The following CYTH3 variants were observed in gnomAD, a reference collection of about 807,000 sequenced individuals.
CYTH3 encodes cytohesin 3.
In CYTH3, 23 loss-of-function variants were observed where a neutral mutation model predicts 55.1. The ratio of observed to expected loss-of-function variants is 0.42; its 90% CI spans 0.30 to 0.59. The LOEUF is 0.59. Ranked by LOEUF, CYTH3 falls within the 20% of genes least tolerant of loss-of-function variation. The pLI is 0.20. For synonymous variants in CYTH3, 249 were observed against 194.9 expected, an observed-to-expected ratio of 1.28 and a Z score of -2.31; for missense variants, 413 against 524.8, an observed-to-expected ratio of 0.79 and a Z score of 2.08.
intron 4 of CYTH3, among the ~76,000 whole-genome samples, chr7:6,178,493 C>T (rs1194931578): frequency 2.0e-5 from 3 of 152,172 alleles, no homozygotes; most frequent in Admixed American, 2.0e-4. Context: ...TTTTTGATTT[C>T]CTGGTAAAAA....
intron 1 of CYTH3, among the ~76,000 whole-genome samples, chr7:6,262,501 A>C (rs1780377252): frequency 6.6e-6 from 1 of 152,196 alleles, no homozygotes. Context: ...GAAAAGAGTG[A>C]CAATAAGACT....
In CYTH3 at chr7:6,165,623, G is replaced by A; in HGVS notation, c.901-7C>T. 1.2e-6 allele frequency: 2 copies of A among 1,613,952 alleles called. No homozygotes were observed. The highest frequency in any genetic ancestry group is 1.7e-6 in the Non-Finnish European group (2 of 1,179,900). On this transcript the variant is annotated splice_polypyrimidine_tract_variant and splice_region_variant and intron_variant, in intron 10 of 12. Transcript: ENST00000350796. Reference sequence around the variant, plus strand: ...TTCCCCTGGGCTCCTTATCCTACAAGAGGAAAGTACACGGCGGGGCTCACT... The same window carrying A: ...TTCCCCTGGGCTCCTTATCCTACAAAAGGAAAGTACACGGCGGGGCTCACT...
chr7:6,245,101 G>C (rs916855875), intron 1 of CYTH3, among the ~76,000 whole-genome samples: 1 of 149,108 alleles, frequency 6.7e-6, no homozygotes, highest in Non-Finnish European at 1.5e-5. Context: ...TTACAGGCAT[G>C]AGCCACCGCG....
intron 6 of CYTH3, among the ~76,000 whole-genome samples, chr7:6,172,511 G>T (rs1350177976): frequency 6.6e-6 from 1 of 152,094 alleles, no homozygotes; most frequent in African/African-American, 2.4e-5. Context: ...GTGCCCCTCA[G>T]GACAAAAGCT....
chr7:6,217,881 T>A (rs1187967093), intron 1 of CYTH3, among the ~76,000 whole-genome samples: 1 of 149,184 alleles, frequency 6.7e-6, no homozygotes, highest in Non-Finnish European at 1.5e-5. Context: ...AATTTTAGAT[T>A]AAAAAAAAAA....
At chr7:6,198,440 A>G (rs115012533) in intron 1 of CYTH3, among the ~76,000 whole-genome samples, 2,191 of 152,312 alleles carry the variant, frequency 0.014, 58 homozygotes, top group African/African-American at 0.05. Context: ...GCTGATACAC[A>G]GACAATTTCA....
intron 1 of CYTH3, among the ~76,000 whole-genome samples, chr7:6,204,409 T>G (rs1009006977): frequency 4.6e-5 from 7 of 152,218 alleles, no homozygotes; most frequent in Admixed American, 2.6e-4. Flanking sequence ...AGAGGCAGTG[T>G]ACAGGATTCA....
intron 1 of CYTH3, among the ~76,000 whole-genome samples, chr7:6,272,133 G>T (rs956804218): frequency 1.3e-5 from 2 of 152,182 alleles, no homozygotes; most frequent in Admixed American, 6.5e-5. Context: ...TTGGCGACAA[G>T]ATGCGGGGAA....
chr7:6,179,651 A>C (rs1290791561), intron 4 of CYTH3, among the ~76,000 whole-genome samples: 14 of 77,934 alleles, frequency 1.8e-4, no homozygotes, highest in Admixed American at 4.6e-4. Context: ...CACACCCCAC[A>C]CCCCACACAC....
intron 6 of CYTH3, chr7:6,172,753 T>G (rs898036042): frequency 2.4e-6 from 3 of 1,250,324 alleles, no homozygotes; most frequent in African/African-American, 1.5e-5. Context: ...CTTCTCTGGA[T>G]GTACAGCTTC....
rs117900003 is a variant in CYTH3 at position 6,268,375 on chromosome 7, G to T, written c.34+4099C>A. On this transcript the variant is annotated intron_variant, in intron 1 of 12. Coordinates refer to ENST00000350796, the MANE Select transcript of CYTH3 (RefSeq NM_004227.4). ...AGTAGAAACGGAGTTTCACCATGCT[G>T]CCCAGGCTGGTCTTGAATTCCTGAC... Among the ~76,000 whole-genome samples the T allele has an allele frequency of 9.3e-3, 1,423 of 152,198 alleles. 14 individuals are homozygous for T. The highest frequency in any genetic ancestry group is 0.017 in the Non-Finnish European group (1,151 of 68,004).
chr7:6,190,128 C>T (rs1164381494), intron 2 of CYTH3, among the ~76,000 whole-genome samples: 2 of 152,180 alleles, frequency 1.3e-5, no homozygotes, highest in African/African-American at 4.8e-5. Context: ...GCGCTCGTGG[C>T]TTGCTGCTGC....
intron 1 of CYTH3, among the ~76,000 whole-genome samples, chr7:6,267,636 G>GC (rs1780534798): frequency 6.6e-6 from 1 of 152,158 alleles, no homozygotes; most frequent in Admixed American, 6.5e-5. Flanking sequence ...CAATTCTCCT[G>GC]CCTCAGCCTC....
At position 6,165,278 on chromosome 7, in the gene CYTH3, G is replaced by C. The variant is rs201472863; in HGVS notation, c.1122C>G (p.Ser374=). ...SPEEKEEWMK[S]IKASISRDPF... Reference sequence around the variant, plus strand: ...GCCCCCGAGGCCCCACTCACTTGATGGATTTCATCCACTCCTCCTTCTCCT... The same window carrying C: ...GCCCCCGAGGCCCCACTCACTTGATCGATTTCATCCACTCCTCCTTCTCCT... Residue 374 remains serine, a synonymous_variant, in exon 12 of 13, where the codon TCC becomes TCG. Transcript: ENST00000350796. The C allele has an allele frequency of 2.5e-5, 41 of 1,610,850 alleles. No homozygotes were observed. The highest frequency in any genetic ancestry group is 3.3e-5 in the Non-Finnish European group (39 of 1,178,606).
At chr7:6,234,827 CT>C (rs1386789558) in intron 1 of CYTH3, among the ~76,000 whole-genome samples, 1 of 152,172 alleles carries the variant, frequency 6.6e-6, no homozygotes, top group African/African-American at 2.4e-5. Context: ...ACTGGACTTC[CT>C]GCTAATTGGT....
At chr7:6,261,116 C>T (rs1780341238) in intron 1 of CYTH3, among the ~76,000 whole-genome samples, 1 of 152,116 alleles carries the variant, frequency 6.6e-6, no homozygotes, top group South Asian at 2.1e-4. Context: ...GCCAGGATTC[C>T]AGAGGGAAAA....
At chr7:6,259,768 TA>T (rs1443182778) in intron 1 of CYTH3, among the ~76,000 whole-genome samples, 8 of 24,338 alleles carry the variant, frequency 3.3e-4, no homozygotes, top group Non-Finnish European at 4.6e-4. Flanking sequence ...TATATATATA[TA>T]TATTATATAT....
At chr7:6,266,745 C>T (rs1255176320) in intron 1 of CYTH3, among the ~76,000 whole-genome samples, 1 of 152,246 alleles carries the variant, frequency 6.6e-6, no homozygotes, top group South Asian at 2.1e-4. Context: ...CACACTTTCT[C>T]TTCCTCAACC....
intron 1 of CYTH3, among the ~76,000 whole-genome samples, chr7:6,209,998 G>A (rs1784287925): frequency 6.6e-6 from 1 of 152,170 alleles, no homozygotes; most frequent in African/African-American, 2.4e-5. Context: ...GGGACTCCTG[G>A]TTGGTGAAAC....
Sources: allele counts gnomAD v4.1 joint callset (sites outside exome capture counted in the v4.1 genomes callset), GRCh38; gene constraint gnomAD v4.1.1; transcripts MANE v1.5; gene names NCBI Gene and HGNC (gene_info 2026-07-23, HGNC 2026-07-21).